The following IFITM10 variants were observed in gnomAD, a reference collection of about 807,000 sequenced individuals.
IFITM10 encodes interferon-induced transmembrane protein 10.
In IFITM10, 17 loss-of-function variants were observed where a neutral mutation model predicts 19.0. The observed-to-expected ratio is 0.90, with a 90% CI of 0.61 to 1.34. IFITM10 has a LOEUF of 1.34. IFITM10 is among the 40% of genes most tolerant of loss of function. IFITM10 has a pLI of 0.00. For missense variants in IFITM10, 306 were observed against 319.8 expected, an observed-to-expected ratio of 0.96 and a Z score of 0.33; for synonymous variants, 148 against 147.2, an observed-to-expected ratio of 1.01 and a Z score of -0.04.
chr11:1,736,944 G>A (rs117647801), intron 2 of IFITM10, among the ~76,000 whole-genome samples: 1,660 of 152,264 alleles, frequency 0.011, 15 homozygotes, highest in Non-Finnish European at 0.016. Context: ...TGTACAGAAC[G>A]TGCTATCAAA....
At chr11:1,750,220 C>A in intron 1 of IFITM10, 139 bp downstream of exon 1, 1 of 1,467,630 alleles carries the variant, frequency 6.8e-7, no homozygotes, top group Non-Finnish European at 9.3e-7. Flanking sequence ...TCACGGTATG[C>A]TTGACGCCAG....
chr11:1,740,184 C>T (rs1845546385), intron 2 of IFITM10, among the ~76,000 whole-genome samples: 1 of 151,184 alleles, frequency 6.6e-6, no homozygotes, highest in Non-Finnish European at 1.5e-5. Context: ...CCTGTAATCC[C>T]AGCTACTCAA....
At chr11:1,746,901 C>T in intron 2 of IFITM10, 2 of 397,908 alleles carry the variant, frequency 5.0e-6, no homozygotes, top group Non-Finnish European at 4.4e-6. Context: ...CCCTCACGCT[C>T]CCTTCCCCAG....
At chr11:1,739,657 C>T (rs1851124846) in intron 2 of IFITM10, among the ~76,000 whole-genome samples, 1 of 151,994 alleles carries the variant, frequency 6.6e-6, no homozygotes, top group East Asian at 1.9e-4. Flanking sequence ...CTCAGGGGAA[C>T]AGAGAGTGCT....
At chr11:1,750,221 T>C (rs1314824828) in intron 1 of IFITM10, 138 bp downstream of exon 1, 2 of 1,472,644 alleles carry the variant, frequency 1.4e-6, no homozygotes, top group African/African-American at 2.8e-5. Flanking sequence ...CACGGTATGC[T>C]TGACGCCAGC....
intron 2 of IFITM10, among the ~76,000 whole-genome samples, chr11:1,736,511 G>C (rs981893719): frequency 6.6e-6 from 1 of 152,194 alleles, no homozygotes; most frequent in African/African-American, 2.4e-5. Flanking sequence ...GGGAAAGCTA[G>C]AACGCAATTC....
At chr11:1,748,421 G>A (rs1845679066) in intron 1 of IFITM10, 1 of 365,776 alleles carries the variant, frequency 2.7e-6, no homozygotes, top group Admixed American at 4.6e-5. Context: ...CCAACGCTGA[G>A]ACTGACACTG....
chr11:1,744,639 T>TG (rs146312647), intron 2 of IFITM10: 8,917 of 150,686 alleles, frequency 0.059, 479 homozygotes, highest in African/African-American at 0.15. Context: ...CCCATGTGGG[T>TG]GGGGGGGGTG....
chr11:1,749,048 C>T, intron 1 of IFITM10: 1 of 1,128,276 alleles, frequency 8.9e-7, no homozygotes, highest in Non-Finnish European at 1.1e-6. Context: ...GGCCGGACCC[C>T]CTGAGCCTCG....
intron 2 of IFITM10, among the ~76,000 whole-genome samples, chr11:1,740,379 G>T (rs948439266): frequency 6.6e-6 from 1 of 151,920 alleles, no homozygotes; most frequent in South Asian, 2.1e-4. Context: ...AGGGGAGGGT[G>T]AGGGTGGCTT....
chr11:1,750,453 G>C lies in IFITM10; in HGVS notation c.-11C>G. 13 of 1,549,882 alleles carry C rather than the reference G, an allele frequency of 8.4e-6. No individual in the cohort carries two copies. The highest frequency in any genetic ancestry group is 1.1e-5 in the Non-Finnish European group (13 of 1,146,756). On this transcript the variant is annotated 5_prime_UTR_variant, in exon 1 of 3. Transcript: ENST00000340134. ...TTTTCCCTCCCTCATCTCTCTCCAA[G>C]CCCCATCCTCCCATGAAACTCCTTT... is the stretch of plus-strand genomic sequence containing the variant.
intron 2 of IFITM10, 66 bp downstream of exon 2, chr11:1,747,601 C>A: frequency 3.5e-6 from 5 of 1,429,008 alleles, no homozygotes; most frequent in Non-Finnish European, 4.8e-6. Context: ...CGCCCACAGC[C>A]AGGGACTGTC....
Position 1,735,099 on chromosome 11 carries a change from G to C in IFITM10, c.*181C>G, listed in dbSNP as rs150173109. 182 of 621,840 alleles carry C rather than the reference G, an allele frequency of 2.9e-4. 1 individual carries two copies. The East Asian group carries it at 5.1e-3, about 17-fold the overall frequency. The allele number at this position is 621,840 out of a possible 1,614,324, so 38.5% of individuals were successfully genotyped here. A position where few individuals can be genotyped will look rare whatever the true frequency, so the allele number is the denominator to read the frequency against. ...GCGGAGGGGGTGGACTGAGGGCCAA[G>C]CTCACTGCCCCCTTGCTGTACTCAG... On this transcript the variant is annotated 3_prime_UTR_variant, in exon 3 of 3. Transcript: ENST00000340134.
intron 2 of IFITM10, chr11:1,746,839 C>T (rs1845656141): frequency 2.5e-6 from 1 of 398,640 alleles, no homozygotes; most frequent in Non-Finnish European, 4.4e-6. Context: ...TGAGCCAAGC[C>T]CTTCCTTCCG....
Position 1,748,039 on chromosome 11 carries a change from G to A in IFITM10, c.165C>T (p.Pro55=). ...TTDGAQEARV[P]LDGAFWIPRP... is the part of the protein sequence containing the mutation. Reference sequence around the variant, plus strand: ...TCGGAATCCAGAAGGCCCCGTCCAGGGGGACTCGGGCTTCCTGGGCGCCGT... The same window carrying A: ...TCGGAATCCAGAAGGCCCCGTCCAGAGGGACTCGGGCTTCCTGGGCGCCGT... The change falls in exon 2 of 3, where the codon CCC becomes CCT. Residue 55 remains proline (P), a synonymous_variant. Coordinates refer to ENST00000340134, the MANE Select transcript of IFITM10 (RefSeq NM_001170820.4). The A allele has an allele frequency of 7.0e-7, 1 of 1,424,920 alleles. No homozygotes were observed. Among genetic ancestry groups the A allele is most frequent in the Non-Finnish European group, 9.1e-7 (1 of 1,094,826 alleles). The allele number at this position is 1,424,920 out of a possible 1,614,324, so 88.3% of individuals were successfully genotyped here.
intron 1 of IFITM10, 87 bp from the exon 2 acceptor site, chr11:1,748,206 G>T: frequency 2.0e-6 from 2 of 1,024,980 alleles, no homozygotes; most frequent in Non-Finnish European, 2.5e-6. Flanking sequence ...AACAGCCCCA[G>T]TGGAGACGGA....
At chr11:1,738,651 C>T (rs1851112413) in intron 2 of IFITM10, among the ~76,000 whole-genome samples, 3 of 152,126 alleles carry the variant, frequency 2.0e-5, no homozygotes, top group Admixed American at 2.0e-4. Context: ...GCTCATGTGT[C>T]CATGATGGCT....
chr11:1,744,904 G>A (rs1189553328), intron 2 of IFITM10: 1 of 152,308 alleles, frequency 6.6e-6, no homozygotes, highest in Non-Finnish European at 1.5e-5. Flanking sequence ...TAGGGTGCAG[G>A]TCAGGAGACC....
intron 1 of IFITM10, chr11:1,749,054 C>T (rs1025476457): frequency 7.1e-6 from 8 of 1,133,202 alleles, no homozygotes; most frequent in Non-Finnish European, 7.7e-6. Flanking sequence ...ACCCCCTGAG[C>T]CTCGGTGCGC....
Sources: allele counts gnomAD v4.1 joint callset (sites outside exome capture counted in the v4.1 genomes callset), GRCh38; gene constraint gnomAD v4.1.1; transcripts MANE v1.5; gene names NCBI Gene and HGNC (gene_info 2026-07-23, HGNC 2026-07-21).